Variants in CELF2 observed in about 807,000 individuals in gnomAD.
The protein encoded by CELF2 is CUGBP Elav-like family member 2, also known as CUG triplet repeat RNA-binding protein 2.
CELF2 carries 8 observed loss-of-function variants against 62.6 expected under a neutral mutation model. The observed-to-expected ratio is 0.13, with a 90% CI of 0.07 to 0.23. CELF2 has a LOEUF of 0.23. Among genes scored for constraint, CELF2 ranks in the 10% least tolerant of loss-of-function variants. CELF2 has a pLI of 1.00. For synonymous variants in CELF2, 258 were observed against 250.0 expected (o/e 1.03, Z -0.30); for missense variants, 333 against 671.0 (o/e 0.50, Z 5.56).
chr10:10,581,465 G>A, the CELF2 span, among the ~76,000 whole-genome samples: 1 of 152,098 alleles, frequency 6.6e-6, no homozygotes, highest in Non-Finnish European at 1.5e-5. Context: ...TGAGGAGAAC[G>A]CTCTGGCAGG....
At chr10:11,276,728 T>C (rs2086267133) in intron 8 of CELF2, among the ~76,000 whole-genome samples, 1 of 152,188 alleles carries the variant, frequency 6.6e-6, no homozygotes, top group African/African-American at 2.4e-5. Flanking sequence ...AGAAGGTCAC[T>C]GGGTCCTGAG....
chr10:11,093,306 GGGCTTAGTCTT>G (rs1274506373), intron 1 of CELF2, among the ~76,000 whole-genome samples: 1 of 152,136 alleles, frequency 6.6e-6, no homozygotes, highest in Non-Finnish European at 1.5e-5. Flanking sequence ...CCCAGGATTG[GGGCTTAGTCTT>G]GAAAGTCCTA....
rs1414441617 is a variant in CELF2, at chr10:11,321,451, G to C, written c.1294+65G>C. 1.5e-6 allele frequency: 2 copies of C among 1,293,486 alleles called. No homozygotes were observed. Among genetic ancestry groups the C allele is most frequent in the African/African-American group, 1.5e-5 (1 of 67,636 alleles). 80.1% of individuals were successfully genotyped at this position (1,293,486 alleles called of 1,614,324 possible). A position where few individuals can be genotyped will look rare whatever the true frequency, so the allele number is the denominator to read the frequency against. Reference sequence around the variant, plus strand: ...CAGGCAGCACTGGCCTCTAGAGCACGGTTAGAAGGTATCAAATTGAACTGA... The same window carrying C: ...CAGGCAGCACTGGCCTCTAGAGCACCGTTAGAAGGTATCAAATTGAACTGA... On this transcript the variant is annotated intron_variant, in intron 11 of 12. Coordinates refer to ENST00000633077, the MANE Select transcript of CELF2 (RefSeq NM_001326342.2). This position sits in a 1 kb window ranked among gnomAD's most constrained non-coding sequence, Gnocchi z 6.2.
Position 11,335,803 on chromosome 10 carries a change from A to G in CELF2, c.*6750A>G, listed in dbSNP as rs2096109475. The G allele has an allele frequency of 6.6e-6, 1 of 152,222 alleles. No homozygotes were observed. 9.4% of individuals were successfully genotyped at this position (152,222 alleles called of 1,614,324 possible). ...TTATTTTTCAAATCTATAAGTACATAGTTCCACCATTTTGGCACAAGACAA... is the reference window on the plus strand; with the variant it reads ...TTATTTTTCAAATCTATAAGTACATGGTTCCACCATTTTGGCACAAGACAA... On this transcript the variant is annotated 3_prime_UTR_variant, in exon 13 of 13. Coordinates refer to ENST00000633077, the MANE Select transcript of CELF2 (RefSeq NM_001326342.2). This position sits in a 1 kb window ranked among gnomAD's most constrained non-coding sequence, Gnocchi z 5.0.
chr10:10,534,935 T>C, the CELF2 span, among the ~76,000 whole-genome samples: 2 of 152,318 alleles, frequency 1.3e-5, no homozygotes, highest in East Asian at 1.9e-4. Flanking sequence ...TATGCAAATA[T>C]AATGAACTAA....
the CELF2 span, among the ~76,000 whole-genome samples, chr10:10,654,581 T>C: frequency 1.2e-5 from 1 of 84,946 alleles, no homozygotes; most frequent in Non-Finnish European, 2.5e-5. Context: ...AATCAATAAA[T>C]GTAATCCAGC....
the CELF2 span, among the ~76,000 whole-genome samples, chr10:10,674,641 G>A: frequency 5.8e-3 from 877 of 152,224 alleles, 2 homozygotes; most frequent in Non-Finnish European, 8.2e-3. Flanking sequence ...TTTAATTGAG[G>A]ATTTGATATG....
At chr10:10,755,195 A>T in the CELF2 span, among the ~76,000 whole-genome samples, 1 of 152,230 alleles carries the variant, frequency 6.6e-6, no homozygotes, top group South Asian at 2.1e-4. Flanking sequence ...TTCCTAGGTA[A>T]TTAACAGATA....
chr10:10,847,990 T>C (rs998805019), intron 1 of CELF2, among the ~76,000 whole-genome samples: 2 of 152,204 alleles, frequency 1.3e-5, no homozygotes, highest in African/African-American at 2.4e-5. Context: ...ATATAGAAGA[T>C]GGTCTCCCTT....
intron 1 of CELF2, among the ~76,000 whole-genome samples, chr10:10,825,617 C>A (rs2057327863): frequency 1.3e-5 from 2 of 152,140 alleles, no homozygotes; most frequent in South Asian, 4.1e-4. Flanking sequence ...ATGTGCCTGT[C>A]ATTTTTGCTT....
At chr10:11,303,743 A>G (rs10795859) in intron 9 of CELF2, among the ~76,000 whole-genome samples, 103,759 of 152,094 alleles carry the variant, frequency 0.68, 39,253 homozygotes, top group East Asian at 0.89. Context: ...CCATAAGTAA[A>G]TCTCTGCAGT....
intron 2 of CELF2, among the ~76,000 whole-genome samples, chr10:10,956,807 A>G (rs1243182813): frequency 6.6e-6 from 1 of 152,024 alleles, no homozygotes; most frequent in African/African-American, 2.4e-5. Flanking sequence ...TGTGGTGTGC[A>G]CCTATAGTCC....
rs1259505653 is a variant in CELF2, at chr10:11,177,755, T to C, written c.271+12073T>C. Among the ~76,000 whole-genome samples the C allele has an allele frequency of 2.0e-5, 3 of 152,178 alleles. No homozygotes were observed. The highest frequency in any genetic ancestry group is 4.4e-5 in the Non-Finnish European group (3 of 68,026). On this transcript the variant is annotated intron_variant, in intron 2 of 12. Coordinates refer to ENST00000633077, the MANE Select transcript of CELF2 (RefSeq NM_001326342.2). This position sits in a 1 kb window ranked among gnomAD's most constrained non-coding sequence, Gnocchi z 4.8. ...GTCCTTTCTGTTCAGGATTCAACAA[T>C]TGCTTGTTGATTTGGGGTGAAGATG...
intron 1 of CELF2, among the ~76,000 whole-genome samples, chr10:10,862,496 T>C (rs1040891326): frequency 3.3e-5 from 5 of 152,234 alleles, no homozygotes; most frequent in African/African-American, 1.2e-4. Context: ...AGGTGGTACC[T>C]GATTGGTTCA....
chr10:11,163,828 C>A (rs183693551), intron 1 of CELF2, among the ~76,000 whole-genome samples: 17 of 152,296 alleles, frequency 1.1e-4, no homozygotes, highest in Admixed American at 2.0e-4. Context: ...TTTTTCCTTA[C>A]CCCGTAGGGT....
intron 1 of CELF2, among the ~76,000 whole-genome samples, chr10:10,844,596 A>C (rs1031988722): frequency 2.0e-5 from 3 of 152,090 alleles, no homozygotes; most frequent in Non-Finnish European, 4.4e-5. Flanking sequence ...CTGTTTTCTG[A>C]CATTTGTAAA....
At chr10:10,917,413 C>T (rs1046562126) in intron 1 of CELF2, among the ~76,000 whole-genome samples, 2 of 152,152 alleles carry the variant, frequency 1.3e-5, no homozygotes, top group Non-Finnish European at 2.9e-5. Flanking sequence ...AATCATGGCT[C>T]ACTGCAGCTG....
chr10:11,169,778 G>A lies in CELF2; in HGVS notation c.271+4096G>A, dbSNP rs139453689. On this transcript the variant is annotated intron_variant, in intron 2 of 12. Transcript: ENST00000633077. ...ATGGGAATGGAAGGGGAGGCTGAGG[G>A]ACAGACGGACAGTGGAAGGAAGAGG... 6.0e-4 allele frequency among the ~76,000 whole-genome samples: 92 copies of A among 152,302 alleles called. No homozygotes were observed. The East Asian group carries it at 0.013, about 22-fold the overall frequency.
At chr10:10,830,712 T>A (rs1161806410) in intron 1 of CELF2, among the ~76,000 whole-genome samples, 7 of 152,176 alleles carry the variant, frequency 4.6e-5, no homozygotes. Flanking sequence ...TTTTTTCTTT[T>A]ACATAGAAAG....
Sources: allele counts gnomAD v4.1 joint callset (sites outside exome capture counted in the v4.1 genomes callset), GRCh38; gene constraint gnomAD v4.1.1; non-coding constraint Gnocchi (gnomAD v3.1); transcripts MANE v1.5; gene names NCBI Gene and HGNC (gene_info 2026-07-23, HGNC 2026-07-21).